Variants in INSL6 observed in about 807,000 individuals in gnomAD.
INSL6 encodes insulin-like peptide INSL6.
In INSL6, 16 loss-of-function variants were observed where a neutral mutation model predicts 9.4. The ratio of observed to expected loss-of-function variants is 1.70; its 90% CI spans 1.15 to 2.59. The LOEUF (loss-of-function observed/expected upper bound fraction) is 2.59. Among genes scored for constraint, INSL6 ranks in the 30% most tolerant of loss-of-function variants. The probability of loss-of-function intolerance (pLI) is 0.00; values close to 1 mark genes in which losing one functional copy is unlikely to be tolerated. For synonymous variants in INSL6, 154 were observed against 96.9 expected (o/e 1.59, Z -3.46); for missense variants, 391 against 257.3 (o/e 1.52, Z -3.56).
At chr9:5,046,848 C>A in the INSL6 span, among the ~76,000 whole-genome samples, 1 of 152,140 alleles carries the variant, frequency 6.6e-6, no homozygotes, top group Non-Finnish European at 1.5e-5. Flanking sequence ...TATATTATTT[C>A]ACCTGTGCTG....
At chr9:5,087,363 A>G in the INSL6 span, among the ~76,000 whole-genome samples, 8 of 152,250 alleles carry the variant, frequency 5.3e-5, no homozygotes, top group East Asian at 1.5e-3. Context: ...CATGGAGGAA[A>G]CCACCCGCAT....
the INSL6 span, chr9:5,090,733 C>T: frequency 3.2e-6 from 5 of 1,583,366 alleles, no homozygotes; most frequent in African/African-American, 5.5e-5. Flanking sequence ...AATGTTTTAT[C>T]CATAGGGTAT....
At chr9:5,036,363 T>C in the INSL6 span, among the ~76,000 whole-genome samples, 179 of 152,274 alleles carry the variant, frequency 1.2e-3, 2 homozygotes, top group African/African-American at 3.9e-3. Context: ...CTTCACAGAA[T>C]TGGAAAAAAC....
chr9:5,110,640 C>G, the INSL6 span: 1 of 222,226 alleles, frequency 4.5e-6, no homozygotes, highest in South Asian at 6.5e-5. Context: ...CTCTAAAGAC[C>G]TTATTATCGA....
the INSL6 span, among the ~76,000 whole-genome samples, chr9:5,000,445 A>G: frequency 6.6e-6 from 1 of 152,232 alleles, no homozygotes; most frequent in Non-Finnish European, 1.5e-5. Context: ...ATGTTTATGT[A>G]GTTTAAAGGA....
chr9:5,098,294 C>G, the INSL6 span: 3 of 152,170 alleles, frequency 2.0e-5, no homozygotes, highest in Non-Finnish European at 4.4e-5. Flanking sequence ...AAATTCATTA[C>G]GTAACTTTGT....
chr9:5,081,986 G>A, the INSL6 span: 133 of 776,104 alleles, frequency 1.7e-4, no homozygotes, highest in Admixed American at 3.9e-4. Flanking sequence ...AGGTTTGGTT[G>A]TCAGATGTTG....
At chr9:5,183,821 A>G (rs983059841) in intron 1 of INSL6, among the ~76,000 whole-genome samples, 3 of 152,210 alleles carry the variant, frequency 2.0e-5, no homozygotes, top group African/African-American at 7.2e-5. Flanking sequence ...TTGTTACTCA[A>G]AAGTGTGGGC....
intron 1 of INSL6, among the ~76,000 whole-genome samples, chr9:5,183,155 G>A (rs1164844208): frequency 6.6e-6 from 1 of 152,070 alleles, no homozygotes; most frequent in Non-Finnish European, 1.5e-5. Context: ...ATACATCTCT[G>A]CAACTTCTAA....
chr9:5,166,883 T>C (rs1034038305), intron 1 of INSL6, among the ~76,000 whole-genome samples: 3 of 152,318 alleles, frequency 2.0e-5, no homozygotes, highest in African/African-American at 7.2e-5. Flanking sequence ...CAAATGTTGA[T>C]TTCAAACTCC....
At chr9:5,006,032 A>C in the INSL6 span, among the ~76,000 whole-genome samples, 2 of 152,198 alleles carry the variant, frequency 1.3e-5, no homozygotes, top group South Asian at 4.1e-4. Flanking sequence ...TCTGTGAAGA[A>C]AGTCATTGGT....
chr9:5,039,273 T>C, the INSL6 span, among the ~76,000 whole-genome samples: 11 of 152,112 alleles, frequency 7.2e-5, no homozygotes, highest in Admixed American at 7.2e-4. Flanking sequence ...CAACTGCAGA[T>C]TGAAAATACT....
chr9:5,102,967 T>C, the INSL6 span, among the ~76,000 whole-genome samples: 11 of 151,898 alleles, frequency 7.2e-5, no homozygotes, highest in African/African-American at 2.2e-4. Context: ...CCATCGATGA[T>C]AGGAAGAAAC....
At chr9:5,060,656 C>T in the INSL6 span, among the ~76,000 whole-genome samples, 2 of 152,186 alleles carry the variant, frequency 1.3e-5, no homozygotes, top group African/African-American at 4.8e-5. Context: ...TAGTGACTTC[C>T]TCCATTGAAG....
the INSL6 span, among the ~76,000 whole-genome samples, chr9:4,997,560 C>T: frequency 6.6e-6 from 1 of 152,178 alleles, no homozygotes; most frequent in Non-Finnish European, 1.5e-5. Flanking sequence ...CCCCCATGAT[C>T]AAGTCACCTC....
At chr9:5,043,042 G>T in the INSL6 span, among the ~76,000 whole-genome samples, 1 of 152,324 alleles carries the variant, frequency 6.6e-6, no homozygotes, top group South Asian at 2.1e-4. Context: ...CTGTGTGGAG[G>T]CGCGCGGGCT....
chr9:5,093,742 T>C, the INSL6 span, among the ~76,000 whole-genome samples: 1 of 152,166 alleles, frequency 6.6e-6, no homozygotes, highest in Admixed American at 6.5e-5. Context: ...GGGATAACAG[T>C]GCAATCCTAT....
chr9:5,080,900 T>C, the INSL6 span, among the ~76,000 whole-genome samples: 2 of 139,734 alleles, frequency 1.4e-5, no homozygotes, highest in African/African-American at 5.3e-5. Context: ...TTCTTTTTTT[T>C]TTTTTTTTTT....
intron 1 of INSL6, among the ~76,000 whole-genome samples, chr9:5,175,307 T>G (rs1459270260): frequency 3.9e-5 from 6 of 152,162 alleles, no homozygotes; most frequent in Non-Finnish European, 8.8e-5. Context: ...AACTAGAATT[T>G]AACAGTTTTC....
Sources: allele counts gnomAD v4.1 joint callset (sites outside exome capture counted in the v4.1 genomes callset), GRCh38; gene constraint gnomAD v4.1.1; transcripts MANE v1.5; gene names NCBI Gene and HGNC (gene_info 2026-07-23, HGNC 2026-07-21).